ADAMTS20: variants seen among roughly 807,000 people sequenced by gnomAD.
ADAMTS20 encodes A disintegrin and metalloproteinase with thrombospondin motifs 20.
A neutral mutation model predicts 260.1 loss-of-function variants in ADAMTS20; 225 were observed. That is an observed-to-expected ratio of 0.87 (90% CI 0.78 to 0.97). The LOEUF (loss-of-function observed/expected upper bound fraction) is 0.97. ADAMTS20 is among the 50% of genes least tolerant of loss of function. ADAMTS20 has a pLI of 0.00. For missense variants in ADAMTS20, 2,400 were observed against 2,337.7 expected (o/e 1.03, Z -0.55); for synonymous variants, 802 against 769.5 (o/e 1.04, Z -0.70).
intron 28 of ADAMTS20, among the ~76,000 whole-genome samples, 172 bp from the exon 29 acceptor site, chr12:43,399,405 A>T (rs1940766510): frequency 1.3e-5 from 2 of 152,146 alleles, no homozygotes; most frequent in South Asian, 4.1e-4. Flanking sequence ...TCTGCTCTGG[A>T]CCATCAATTA....
intron 7 of ADAMTS20, among the ~76,000 whole-genome samples, chr12:43,481,851 C>A (rs868551166): frequency 6.6e-6 from 1 of 152,040 alleles, no homozygotes. Context: ...AACACAGGAA[C>A]TTAACCGAAA....
At chr12:43,393,277 A>T (rs1940633571) in intron 29 of ADAMTS20, among the ~76,000 whole-genome samples, 1 of 152,068 alleles carries the variant, frequency 6.6e-6, no homozygotes, top group South Asian at 2.1e-4. Flanking sequence ...TTTTTTTAAA[A>T]AATCCAGGTA....
intron 7 of ADAMTS20, among the ~76,000 whole-genome samples, chr12:43,482,918 T>C (rs770698783): frequency 6.6e-6 from 1 of 152,114 alleles, no homozygotes; most frequent in Non-Finnish European, 1.5e-5. Flanking sequence ...TCTTCCTGGC[T>C]CAGGAAGGAG....
Position 43,532,109 on chromosome 12 carries a change from G to A in ADAMTS20, c.540C>T (p.Asn180=), listed in dbSNP as rs199655784. The stretch of plus-strand genomic sequence containing the variant: ...CTTGTCTGTATATAAGATGTGGCTT[G>A]TTGTGACCATCTTCATATTCATTCC... ...ADGNEYEDGH[N]KPHLIYRQDL... Residue 180 remains asparagine, a synonymous_variant, in exon 3 of 39, where the codon AAC becomes AAT. Transcript: ENST00000389420. The A allele has an allele frequency of 6.2e-7, 1 of 1,609,224 alleles. No homozygotes were observed.
intron 4 of ADAMTS20, among the ~76,000 whole-genome samples, chr12:43,495,311 T>C (rs1942661922): frequency 6.6e-6 from 1 of 152,184 alleles, no homozygotes; most frequent in Non-Finnish European, 1.5e-5. Context: ...ATAGTGGCTA[T>C]AAAACATAGT....
Position 43,551,410 on chromosome 12 carries a change from C to G in ADAMTS20, c.92-140G>C. The G allele has an allele frequency of 8.2e-7, 1 of 1,224,626 alleles. No homozygotes were observed. 75.9% of individuals were successfully genotyped at this position (1,224,626 alleles called of 1,614,324 possible). A position where few individuals can be genotyped will look rare whatever the true frequency, so the allele number is the denominator to read the frequency against. ...CAAGACAAATGCACACATGCTGATG[C>G]GCACGCACACACACACACGTGCACT... On this transcript the variant is annotated intron_variant, in intron 1 of 38. Coordinates refer to ENST00000389420, the MANE Select transcript of ADAMTS20 (RefSeq NM_025003.5). The surrounding 1 kb of genome is among the most constrained non-coding windows in gnomAD (Gnocchi z 4.6).
At chr12:43,358,566 C>T (rs370358960) in intron 37 of ADAMTS20, among the ~76,000 whole-genome samples, 176 of 152,028 alleles carry the variant, frequency 1.2e-3, no homozygotes, top group African/African-American at 3.8e-3. Context: ...CGGACGGGCG[C>T]GGTGGCTCAC....
intron 7 of ADAMTS20, among the ~76,000 whole-genome samples, chr12:43,479,303 G>A (rs569299030): frequency 2.6e-5 from 4 of 152,214 alleles, no homozygotes; most frequent in Admixed American, 6.5e-5. Flanking sequence ...AATTAGTAAT[G>A]TAATTAGTAA....
intron 36 of ADAMTS20, among the ~76,000 whole-genome samples, chr12:43,371,749 G>T (rs1284438097): frequency 6.6e-6 from 1 of 152,148 alleles, no homozygotes; most frequent in Non-Finnish European, 1.5e-5. Context: ...GTGATCATGG[G>T]GCTCAGGGCA....
intron 3 of ADAMTS20, among the ~76,000 whole-genome samples, chr12:43,530,644 C>CTTTGTACTAGA: frequency 6.6e-6 from 1 of 152,226 alleles, no homozygotes. Context: ...TAATCCCACC[C>CTTTGTACTAGA]TTTTGTCTAG....
chr12:43,353,171 GA>G (rs530041852), downstream of ADAMTS20, among the ~76,000 whole-genome samples: 3 of 151,568 alleles, frequency 2.0e-5, no homozygotes, highest in Non-Finnish European at 2.9e-5. Context: ...TTATCTGCAT[GA>G]AAAAAACTCA....
intron 14 of ADAMTS20, among the ~76,000 whole-genome samples, chr12:43,447,081 T>C (rs1005643078): frequency 3.9e-5 from 6 of 151,908 alleles, no homozygotes; most frequent in Admixed American, 6.6e-5. Flanking sequence ...GCTGGTACCA[T>C]TCCTACTGAA....
intron 2 of ADAMTS20, among the ~76,000 whole-genome samples, chr12:43,542,168 C>G (rs1943385145): frequency 6.6e-6 from 1 of 152,122 alleles, no homozygotes; most frequent in South Asian, 2.1e-4. Flanking sequence ...CTTGTGGGGT[C>G]TGCGTAGTGG....
intron 3 of ADAMTS20, among the ~76,000 whole-genome samples, chr12:43,515,466 A>T (rs558826560): frequency 4.6e-5 from 7 of 152,084 alleles, no homozygotes; most frequent in African/African-American, 1.7e-4. Flanking sequence ...ACTATTGCCA[A>T]TTTTTTTATT....
chr12:43,457,813 T>C (rs1941992649), intron 11 of ADAMTS20, among the ~76,000 whole-genome samples: 1 of 152,238 alleles, frequency 6.6e-6, no homozygotes, highest in Non-Finnish European at 1.5e-5. Flanking sequence ...TCCACTCTTG[T>C]CCCCGACAGT....
At position 43,432,446 on chromosome 12, in the gene ADAMTS20, C is replaced by T. The variant is rs1466478582; in HGVS notation, c.2954G>A (p.Gly985Glu). The change falls in exon 21 of 39, where the codon GGG becomes GAG. Residue 985 changes from glycine (G) to glutamate (E), a missense_variant. Transcript: ENST00000389420. Reference sequence around the variant, plus strand: ...ACAATAAGATTCTCGAGACCTTTCCCCTCCTCCACAACTCCTGGAACACTG... The same window carrying T: ...ACAATAAGATTCTCGAGACCTTTCCTCTCCTCCACAACTCCTGGAACACTG... ...WSQCSRSCGG[G>E]ERSRESYCMN... The T allele has an allele frequency of 6.2e-7, 1 of 1,613,256 alleles. No individual in the cohort carries two copies.
chr12:43,457,316 T>G lies in ADAMTS20; in HGVS notation c.1615-3264A>C, dbSNP rs140280039. Among the ~76,000 whole-genome samples the G allele has an allele frequency of 5.5e-4, 84 of 152,290 alleles. 2 individuals carry two copies. The highest frequency in any genetic ancestry group is 1.9e-3 in the African/African-American group (78 of 41,556). On this transcript the variant is annotated intron_variant, in intron 11 of 38. Coordinates refer to ENST00000389420, the MANE Select transcript of ADAMTS20 (RefSeq NM_025003.5). The stretch of plus-strand genomic sequence containing the variant: ...CTCACATCTAGTTTTTTTATTCTTT[T>G]CTGTTAACAGTCACTTCTAGTCCAG...
At chr12:43,447,958 A>C (rs921338703) in intron 14 of ADAMTS20, among the ~76,000 whole-genome samples, 2 of 152,208 alleles carry the variant, frequency 1.3e-5, no homozygotes, top group Non-Finnish European at 2.9e-5. Context: ...CTCTACAATG[A>C]GAATTATAAA....
At chr12:43,430,809 T>A (rs527401259) in intron 22 of ADAMTS20, among the ~76,000 whole-genome samples, 3 of 152,218 alleles carry the variant, frequency 2.0e-5, no homozygotes, top group Admixed American at 6.5e-5. Flanking sequence ...AGTGTATGCA[T>A]GTCATTTAAT....
Sources: allele counts gnomAD v4.1 joint callset (sites outside exome capture counted in the v4.1 genomes callset), GRCh38; gene constraint gnomAD v4.1.1; non-coding constraint Gnocchi (gnomAD v3.1); transcripts MANE v1.5; gene names NCBI Gene and HGNC (gene_info 2026-07-23, HGNC 2026-07-21).